Variants in USP34 observed in about 807,000 individuals in gnomAD.
USP34 encodes the protein ubiquitin specific peptidase 34.
USP34 carries 70 observed loss-of-function variants against 460.3 expected under a neutral mutation model. The observed-to-expected ratio is 0.15, with a 90% CI of 0.13 to 0.19. The LOEUF (loss-of-function observed/expected upper bound fraction) is 0.19. Ranked by LOEUF, USP34 falls within the 10% of genes least tolerant of loss-of-function variation. The pLI is 1.00. For synonymous variants in USP34, 1,647 were observed against 1,405.3 expected (o/e 1.17, Z -3.85); for missense variants, 3,985 against 4,236.2 (o/e 0.94, Z 1.65).
rs374832741 is a variant in USP34 at position 61,344,039 on chromosome 2, A to C, written c.2286-10T>G. 1.2e-5 allele frequency: 20 copies of C among 1,610,168 alleles called. No homozygotes were observed. In the African/African-American group the frequency reaches 2.3e-4, roughly 18 times the overall value. ...ATCATCAACCATATGCCTACAAAAC[A>C]GAGAAAAGCACAAAGTTAGTAATTA... On this transcript the variant is annotated splice_polypyrimidine_tract_variant and intron_variant, in intron 15 of 79. Transcript: ENST00000398571.
rs774674845 is a variant in USP34 at position 61,420,761 on chromosome 2, T to C, written c.116A>G (p.Asn39Ser). ...EHTLKIFTYI[N>S]SWTQRQCLCC... The stretch of plus-strand genomic sequence containing the variant: ...AGATGCATACCTCTGTGTCCAGGAA[T>C]TGATATAAGTAAATATTTTGAGAGT... The change falls in exon 2 of 80, where the codon AAT (asparagine) becomes AGT (serine). Residue 39 changes from asparagine to serine, a missense_variant. Coordinates refer to ENST00000398571, the MANE Select transcript of USP34 (RefSeq NM_014709.4). 4.3e-6 allele frequency: 7 copies of C among 1,609,978 alleles called. No homozygotes were observed. The highest frequency in any genetic ancestry group is 2.7e-5 in the African/African-American group (2 of 74,854).
rs1355797743 is a variant in USP34 at position 61,228,938 on chromosome 2, G to A, written c.7257C>T (p.Arg2419=). 2.5e-6 allele frequency: 4 copies of A among 1,609,890 alleles called. No individual in the cohort carries two copies. In the East Asian group the frequency reaches 6.7e-5, roughly 27 times the overall value. ...EDIGGRSCVT[R]FVRTLLLIME... ...TAATTAATAACAGGGTTCTCACAAA[G>A]CGAGTGACACATGAACGACCACCAA... is the stretch of plus-strand genomic sequence containing the variant. Residue 2419 remains arginine (R), a synonymous_variant, in exon 60 of 80, where the codon CGC becomes CGT. Transcript: ENST00000398571.
intron 3 of USP34, among the ~76,000 whole-genome samples, chr2:61,405,292 T>C (rs1693838309): frequency 6.6e-6 from 1 of 151,504 alleles, no homozygotes; most frequent in Non-Finnish European, 1.5e-5. Flanking sequence ...AATACTATTA[T>C]TTGAAACTAC....
At position 61,419,669 on chromosome 2, in the gene USP34, AT is replaced by A. The variant is rs549584387; in HGVS notation, c.131+1076del. Among the ~76,000 whole-genome samples, 44 of 152,216 alleles carry A rather than the reference AT, an allele frequency of 2.9e-4. 1 individual carries two copies. In the East Asian group the frequency reaches 8.3e-3, roughly 29 times the overall value. ...ATAGATCCTGAAATCAGAAGTGTAG[AT>A]TTTTTTCCTAGTATAACATGTTGCC... On this transcript the variant is annotated intron_variant, in intron 2 of 79. Transcript: ENST00000398571.
At chr2:61,337,102 A>G (rs2103746179) in intron 18 of USP34, among the ~76,000 whole-genome samples, 1 of 152,292 alleles carries the variant, frequency 6.6e-6, no homozygotes. Context: ...AAACACATCT[A>G]TGTAACCAGC....
At chr2:61,225,292 A>T (rs1171658863) in intron 62 of USP34, among the ~76,000 whole-genome samples, 3 of 152,160 alleles carry the variant, frequency 2.0e-5, no homozygotes, top group African/African-American at 7.2e-5. Flanking sequence ...TTCATCCTGT[A>T]ATATACATTA....
At chr2:61,271,191 C>T (rs1168208989) in intron 41 of USP34, among the ~76,000 whole-genome samples, 2 of 152,108 alleles carry the variant, frequency 1.3e-5, no homozygotes, top group Non-Finnish European at 2.9e-5. Flanking sequence ...ATCCCAGCTA[C>T]TCTTTGGGAG....
At chr2:61,465,702 G>T (rs1021890367) in intron 1 of USP34, among the ~76,000 whole-genome samples, 1 of 152,156 alleles carries the variant, frequency 6.6e-6, no homozygotes, top group African/African-American at 2.4e-5. Context: ...ACACGGCTAG[G>T]CACGGTGGCT....
At chr2:61,263,840 T>C (rs1688970072) in intron 43 of USP34, among the ~76,000 whole-genome samples, 1 of 152,184 alleles carries the variant, frequency 6.6e-6, no homozygotes, top group Non-Finnish European at 1.5e-5. Flanking sequence ...GCCAAGCTGC[T>C]TTGTCCACTT....
chr2:61,253,222 G>A (rs1688633375), intron 48 of USP34, among the ~76,000 whole-genome samples: 1 of 152,170 alleles, frequency 6.6e-6, no homozygotes, highest in Non-Finnish European at 1.5e-5. Context: ...GATGTGACAG[G>A]TATTTCAGAA....
intron 3 of USP34, among the ~76,000 whole-genome samples, chr2:61,405,063 T>G (rs1335614613): frequency 6.6e-6 from 1 of 151,830 alleles, no homozygotes; most frequent in African/African-American, 2.4e-5. Flanking sequence ...CCGTCTCTAC[T>G]AAAGAAAATT....
At chr2:61,383,053 C>T (rs547928133) in intron 6 of USP34, among the ~76,000 whole-genome samples, 2 of 152,092 alleles carry the variant, frequency 1.3e-5, no homozygotes, top group South Asian at 2.1e-4. Context: ...TCTTTACATA[C>T]TCATGTAAAA....
In USP34 at chr2:61,437,704, C is replaced by T. The variant is rs1233884123; in HGVS notation, c.44-16871G>A. Reference sequence around the variant, plus strand: ...AGGAGAATGGCTTGAACACGGGAGGCGGAGCTTGCAGTGAGCCCAGATTGT... The same window carrying T: ...AGGAGAATGGCTTGAACACGGGAGGTGGAGCTTGCAGTGAGCCCAGATTGT... On this transcript the variant is annotated intron_variant, in intron 1 of 79. Coordinates refer to ENST00000398571, the MANE Select transcript of USP34 (RefSeq NM_014709.4). Among the ~76,000 whole-genome samples, 6 of 151,870 alleles carry T rather than the reference C, an allele frequency of 4.0e-5. No individual in the cohort carries two copies. The East Asian group carries it at 1.2e-3, about 29-fold the overall frequency.
At chr2:61,378,267 C>T (rs568826169) in intron 8 of USP34, 96 bp downstream of exon 8, 1 of 886,874 alleles carries the variant, frequency 1.1e-6, no homozygotes, top group South Asian at 1.6e-5. Context: ...CAAAGAATTT[C>T]TAGTAAAAAT....
chr2:61,295,803 T>C (rs1164317959), intron 30 of USP34, among the ~76,000 whole-genome samples: 1 of 152,240 alleles, frequency 6.6e-6, no homozygotes, highest in African/African-American at 2.4e-5. Context: ...GAGCCCATCT[T>C]CTTCACTTCC....
intron 19 of USP34, among the ~76,000 whole-genome samples, chr2:61,331,890 T>C (rs938665163): frequency 6.6e-6 from 1 of 151,976 alleles, no homozygotes; most frequent in African/African-American, 2.4e-5. Flanking sequence ...GATCCCAGGG[T>C]CCATAACTTC....
At chr2:61,243,799 G>A (rs1432230982) in intron 51 of USP34, among the ~76,000 whole-genome samples, 6 of 151,352 alleles carry the variant, frequency 4.0e-5, no homozygotes, top group African/African-American at 1.5e-4. Flanking sequence ...TGAACCAGAA[G>A]TTGGAGGCTG....
intron 71 of USP34, 53 bp downstream of exon 71, chr2:61,206,707 C>G: frequency 6.3e-7 from 1 of 1,587,088 alleles, no homozygotes. Context: ...TTAAAACCTT[C>G]TCTCTCTTTA....
chr2:61,319,398 G>A, intron 21 of USP34, 71 bp from the exon 22 acceptor site: 3 of 1,132,568 alleles, frequency 2.6e-6, no homozygotes, highest in Non-Finnish European at 3.6e-6. Context: ...TTAGGCATGT[G>A]TATGTACAGT....
Sources: allele counts gnomAD v4.1 joint callset (sites outside exome capture counted in the v4.1 genomes callset), GRCh38; gene constraint gnomAD v4.1.1; transcripts MANE v1.5; gene names NCBI Gene and HGNC (gene_info 2026-07-23, HGNC 2026-07-21).